The following ZNF638 variants were observed in gnomAD, a reference collection of about 807,000 sequenced individuals.
ZNF638 encodes the protein CTCL tumor antigen se33-1.
In ZNF638, 46 loss-of-function variants were observed where a neutral mutation model predicts 195.6. The observed-to-expected ratio is 0.24, with a 90% confidence interval of 0.19 to 0.30. ZNF638 has a LOEUF of 0.30. Ranked by LOEUF, ZNF638 falls within the 10% of genes least tolerant of loss-of-function variation. The pLI is 1.00. For missense variants in ZNF638, 2,440 were observed against 2,325.3 expected (o/e 1.05, Z -1.01); for synonymous variants, 845 against 772.0 (o/e 1.09, Z -1.57).
At chr2:71,389,662 A>G (rs1213589164) in intron 10 of ZNF638, among the ~76,000 whole-genome samples, 2 of 152,242 alleles carry the variant, frequency 1.3e-5, no homozygotes, top group African/African-American at 2.4e-5. Context: ...TTTGTGTGCT[A>G]TGAGGGCTTG....
rs373958735 is a variant in ZNF638 at position 71,331,964 on chromosome 2, C to T, written c.-203+89C>T. ...TGAGCCCTTCCTGTGAGATCCGGGC[C>T]GACTATTGTATCTGTGTCGCAGCGG... On this transcript the variant is annotated intron_variant, in intron 1 of 27. Transcript: ENST00000264447. 40 of 977,976 alleles carry T rather than the reference C, an allele frequency of 4.1e-5. No individual in the cohort carries two copies. The South Asian group carries it at 1.4e-3, about 34-fold the overall frequency. 60.6% of individuals were successfully genotyped at this position (977,976 alleles called of 1,614,324 possible).
intron 20 of ZNF638, among the ~76,000 whole-genome samples, chr2:71,417,773 A>C (rs2080333321): frequency 6.6e-6 from 1 of 152,120 alleles, no homozygotes; most frequent in African/African-American, 2.4e-5. Context: ...CAGTATCATT[A>C]GGATATAAGC....
intron 10 of ZNF638, among the ~76,000 whole-genome samples, chr2:71,385,334 G>A (rs1224272809): frequency 5.3e-5 from 8 of 152,170 alleles, no homozygotes; most frequent in Admixed American, 3.9e-4. Flanking sequence ...GCCTATACAC[G>A]AGTATTTATG....
At chr2:71,380,367 A>T in intron 9 of ZNF638, 87 bp downstream of exon 9, 2 of 1,136,940 alleles carry the variant, frequency 1.8e-6, no homozygotes, top group Non-Finnish European at 2.5e-6. Context: ...TTTTAAATAT[A>T]TTTTATCACT....
intron 6 of ZNF638, among the ~76,000 whole-genome samples, chr2:71,367,478 G>A (rs1452191214): frequency 7.1e-6 from 1 of 141,660 alleles, no homozygotes; most frequent in Admixed American, 7.6e-5. Context: ...CTGTCACCCA[G>A]GCTGGAGTGC....
intron 10 of ZNF638, among the ~76,000 whole-genome samples, chr2:71,386,393 T>C (rs2079640956): frequency 6.6e-6 from 1 of 151,612 alleles, no homozygotes. Context: ...CAAGTACACA[T>C]ATGTTAAAAG....
At chr2:71,392,731 C>G (rs1133294) in intron 10 of ZNF638, among the ~76,000 whole-genome samples, 1 of 152,174 alleles carries the variant, frequency 6.6e-6, no homozygotes, top group South Asian at 2.1e-4. Context: ...AGCAGCTTAC[C>G]CAAAGACTGG....
chr2:71,362,256 T>C (rs2079122329), intron 3 of ZNF638, among the ~76,000 whole-genome samples: 1 of 152,164 alleles, frequency 6.6e-6, no homozygotes, highest in African/African-American at 2.4e-5. Context: ...TGTCCTCGGC[T>C]CTCTTTTTTC....
At chr2:71,400,876 T>C (rs895519403) in intron 15 of ZNF638, among the ~76,000 whole-genome samples, 1 of 152,146 alleles carries the variant, frequency 6.6e-6, no homozygotes, top group African/African-American at 2.4e-5. Flanking sequence ...AAATGGGAGA[T>C]ATGTTAATGG....
intron 24 of ZNF638, 95 bp downstream of exon 24, chr2:71,427,509 AC>A: frequency 1.1e-6 from 1 of 931,094 alleles, no homozygotes; most frequent in Non-Finnish European, 1.5e-6. Flanking sequence ...CAATAATGTC[AC>A]CCAGTATTGA....
At chr2:71,390,272 C>G (rs2079745182) in intron 10 of ZNF638, among the ~76,000 whole-genome samples, 1 of 152,152 alleles carries the variant, frequency 6.6e-6, no homozygotes, top group Non-Finnish European at 1.5e-5. Context: ...AATTGGAAAG[C>G]CCACAGTCCA....
chr2:71,360,298 T>C (rs1014703866), intron 3 of ZNF638, among the ~76,000 whole-genome samples: 16 of 152,250 alleles, frequency 1.1e-4, no homozygotes, highest in Middle Eastern at 3.2e-3. Flanking sequence ...TTGCAGACAT[T>C]ATGGGACATC....
chr2:71,340,441 ATG>A (rs958446948), intron 1 of ZNF638, among the ~76,000 whole-genome samples: 2 of 152,220 alleles, frequency 1.3e-5, no homozygotes, highest in Non-Finnish European at 2.9e-5. Flanking sequence ...ACAGAATGAC[ATG>A]TTAGTTTTTA....
In ZNF638 at chr2:71,421,937, T is replaced by C. The variant is rs373903058; in HGVS notation, c.3300-877T>C. On this transcript the variant is annotated intron_variant, in intron 21 of 27. Coordinates refer to ENST00000264447, the MANE Select transcript of ZNF638 (RefSeq NM_014497.5). ...TACCTCGGTGAAAGTACTGGAATTA[T>C]AGGACTACTCACTTTTCATATACTT... 3.9e-5 allele frequency among the ~76,000 whole-genome samples: 6 copies of C among 152,192 alleles called. No individual in the cohort carries two copies. In the South Asian group the frequency reaches 8.3e-4, roughly 21 times the overall value.
intron 19 of ZNF638, chr2:71,407,186 A>G (rs1271484268): frequency 6.6e-6 from 1 of 152,202 alleles, no homozygotes; most frequent in Non-Finnish European, 1.5e-5. Flanking sequence ...GACAATATTC[A>G]TAAAAAGCAC....
intron 19 of ZNF638, chr2:71,407,575 T>G (rs1050512547): frequency 6.6e-6 from 1 of 152,212 alleles, no homozygotes; most frequent in African/African-American, 2.4e-5. Flanking sequence ...ATTTAACATT[T>G]TAATCATGTT....
At chr2:71,397,627 A>T (rs2079920248) in intron 11 of ZNF638, among the ~76,000 whole-genome samples, 1 of 152,226 alleles carries the variant, frequency 6.6e-6, no homozygotes. Flanking sequence ...TTCTCAATAA[A>T]AATTGGAATT....
chr2:71,393,367 A>T, intron 10 of ZNF638: 1 of 715,612 alleles, frequency 1.4e-6, no homozygotes, highest in Non-Finnish European at 2.6e-6. Flanking sequence ...GGGGAAGATG[A>T]TATGCTTGTG....
Position 71,400,528 on chromosome 2 carries a change from C to A in ZNF638, c.2697+10C>A. The A allele has an allele frequency of 6.3e-7, 1 of 1,593,802 alleles. No homozygotes were observed. The highest frequency in any genetic ancestry group is 1.8e-5 in the Admixed American group (1 of 55,822). On this transcript the variant is annotated intron_variant, in intron 15 of 27. Coordinates refer to ENST00000264447, the MANE Select transcript of ZNF638 (RefSeq NM_014497.5). ...TGAACCACTTAACAAGGTCAGTTTTCATGTTTTATTTATTTCTTTAAAGCT... is the reference window on the plus strand; with the variant it reads ...TGAACCACTTAACAAGGTCAGTTTTAATGTTTTATTTATTTCTTTAAAGCT...
Sources: gnomAD v4.1 joint callset for allele counts (sites outside exome capture counted in the v4.1 genomes callset) on GRCh38, gnomAD v4.1.1 for gene constraint, MANE v1.5 for transcripts, NCBI Gene and HGNC (gene_info 2026-07-23, HGNC 2026-07-21) for gene names.